ADK: variants seen among roughly 807,000 people sequenced by gnomAD.
The protein encoded by ADK is adenosine kinase.
ADK carries 24 observed loss-of-function variants against 44.7 expected under a neutral mutation model. That is an observed-to-expected ratio of 0.54 (90% confidence interval 0.39 to 0.76). The LOEUF (loss-of-function observed/expected upper bound fraction) is 0.76. Among genes scored for constraint, ADK ranks in the 30% least tolerant of loss-of-function variants. The probability of loss-of-function intolerance (pLI) is 0.00; values close to 1 mark genes in which losing one functional copy is unlikely to be tolerated. For synonymous variants in ADK, 128 were observed against 142.6 expected (o/e 0.90, Z 0.73); for missense variants, 321 against 425.1 (o/e 0.76, Z 2.15).
intron 7 of ADK, among the ~76,000 whole-genome samples, chr10:74,565,305 A>T (rs1175750009): frequency 6.6e-6 from 1 of 152,204 alleles, no homozygotes; most frequent in Non-Finnish European, 1.5e-5. Context: ...TTAGTTCATG[A>T]AACAATATTG....
intron 6 of ADK, among the ~76,000 whole-genome samples, chr10:74,484,325 CAAG>C (rs1847190843): frequency 6.6e-6 from 1 of 152,150 alleles, no homozygotes; most frequent in Admixed American, 6.6e-5. Context: ...CTCATTATCA[CAAG>C]AACAGCAAGA....
intron 6 of ADK, among the ~76,000 whole-genome samples, chr10:74,418,795 A>T (rs1204043366): frequency 6.6e-6 from 1 of 152,178 alleles, no homozygotes; most frequent in Non-Finnish European, 1.5e-5. Context: ...TGCATTTTCT[A>T]TGCTGCCATT....
chr10:74,235,125 T>TC lies in ADK; in HGVS notation c.194+10537dup, dbSNP rs1297820726. 2.8e-3 allele frequency among the ~76,000 whole-genome samples: 338 copies of TC among 120,186 alleles called. 2 individuals are homozygous for TC. Among genetic ancestry groups the TC allele is most frequent in the Non-Finnish European group, 4.7e-3 (261 of 55,788 alleles). 78.8% of individuals were successfully genotyped at this position (120,186 alleles called of 152,430 possible). ...ACGTTTAGCTGGATACTTGAAATTA[T>TC]CCCTTTTTTTTTTTTTTTTCTGAAA... On this transcript the variant is annotated intron_variant, in intron 3 of 10. Transcript: ENST00000539909.
rs1844003897 is a variant in ADK, at chr10:74,407,800, C to T, written c.555+9221C>T. Among the ~76,000 whole-genome samples, 8 of 152,178 alleles carry T rather than the reference C, an allele frequency of 5.3e-5. No individual in the cohort carries two copies. In the South Asian group the frequency reaches 1.7e-3, roughly 32 times the overall value. On this transcript the variant is annotated intron_variant, in intron 6 of 10. Transcript: ENST00000539909. The stretch of plus-strand genomic sequence containing the variant: ...ATTGTAGCGCTTACCTTATTCTGCC[C>T]CTTCTTTGATTATTATCCAATGCCT...
At position 74,216,305 on chromosome 10, in the gene ADK, C is replaced by T. The variant is rs181450452; in HGVS notation, c.141-8233C>T. On this transcript the variant is annotated intron_variant, in intron 2 of 10. Coordinates refer to ENST00000539909, the MANE Select transcript of ADK (RefSeq NM_006721.4). ...TAGTCATTAAATTGTAATTAGCACA[C>T]GGTAAAATAACAAATGTATTAAAAT... Among the ~76,000 whole-genome samples, 200 of 152,042 alleles carry T rather than the reference C, an allele frequency of 1.3e-3. 3 individuals are homozygous for T. The East Asian group carries it at 0.014, about 10-fold the overall frequency.
chr10:74,652,102 G>A (rs946728644), intron 9 of ADK, among the ~76,000 whole-genome samples: 10 of 146,258 alleles, frequency 6.8e-5, no homozygotes, highest in Admixed American at 2.1e-4. Context: ...TGCTAGTAGC[G>A]CCATCTTGGC....
At chr10:74,306,442 T>TA (rs1418224462) in intron 3 of ADK, among the ~76,000 whole-genome samples, 1 of 152,220 alleles carries the variant, frequency 6.6e-6, no homozygotes, top group Non-Finnish European at 1.5e-5. Context: ...GCTCTGCACA[T>TA]ACTTCCTGTG....
At chr10:74,550,863 CT>C (rs1850010401) in intron 7 of ADK, among the ~76,000 whole-genome samples, 1 of 152,008 alleles carries the variant, frequency 6.6e-6, no homozygotes, top group Non-Finnish European at 1.5e-5. Flanking sequence ...AATTGAGTTA[CT>C]TTTTAGAGAC....
intron 6 of ADK, among the ~76,000 whole-genome samples, chr10:74,422,934 G>GCAGCCTGATGA (rs1844615929): frequency 6.6e-6 from 1 of 152,142 alleles, no homozygotes; most frequent in Non-Finnish European, 1.5e-5. Flanking sequence ...GGAGGGGGCT[G>GCAGCCTGATGA]CAGCCTGATG....
chr10:74,368,730 A>G (rs1842570401), intron 4 of ADK, among the ~76,000 whole-genome samples: 1 of 151,752 alleles, frequency 6.6e-6, no homozygotes, highest in Admixed American at 6.6e-5. Flanking sequence ...CCTGTGTTCA[A>G]GTGATTCTCC....
At chr10:74,285,187 G>T (rs117107974) in intron 3 of ADK, among the ~76,000 whole-genome samples, 2,040 of 152,294 alleles carry the variant, frequency 0.013, 16 homozygotes, top group Non-Finnish European at 0.021. Context: ...ACCTCTAAGA[G>T]CATAGAGGAG....
chr10:74,697,066 A>G (rs1416955033), intron 10 of ADK, among the ~76,000 whole-genome samples: 7 of 152,212 alleles, frequency 4.6e-5, no homozygotes, highest in African/African-American at 1.7e-4. Flanking sequence ...ACAACAAATT[A>G]TATATTTCCA....
chr10:74,381,781 GGT>G (rs1842982611), intron 4 of ADK, among the ~76,000 whole-genome samples: 1 of 152,080 alleles, frequency 6.6e-6, no homozygotes, highest in Non-Finnish European at 1.5e-5. Flanking sequence ...TGAAGGAAGG[GGT>G]AATTTAATAG....
chr10:74,279,627 A>G (rs1846838579), intron 3 of ADK, among the ~76,000 whole-genome samples: 1 of 151,846 alleles, frequency 6.6e-6, no homozygotes, highest in Non-Finnish European at 1.5e-5. Context: ...CCTCACCAAC[A>G]GAATTGCCAA....
chr10:74,259,957 A>G (rs1281917032), intron 3 of ADK, among the ~76,000 whole-genome samples: 1 of 152,098 alleles, frequency 6.6e-6, no homozygotes, highest in East Asian at 1.9e-4. Context: ...AGTTTTGAAG[A>G]CTATGTATGT....
intron 3 of ADK, among the ~76,000 whole-genome samples, chr10:74,275,749 C>T (rs1379039185): frequency 6.6e-6 from 1 of 152,130 alleles, no homozygotes; most frequent in African/African-American, 2.4e-5. Flanking sequence ...ACCTCCACCT[C>T]CCATGTTCAA....
intron 6 of ADK, among the ~76,000 whole-genome samples, chr10:74,443,242 C>T (rs964611095): frequency 4.6e-5 from 7 of 152,060 alleles, no homozygotes; most frequent in South Asian, 2.1e-4. Flanking sequence ...CATTTCACAA[C>T]ATACACATAT....
At chr10:74,638,450 C>T (rs1012630994) in intron 9 of ADK, among the ~76,000 whole-genome samples, 1 of 151,996 alleles carries the variant, frequency 6.6e-6, no homozygotes, top group Non-Finnish European at 1.5e-5. Flanking sequence ...TCACTTGAGG[C>T]CAGGAGTTCA....
At chr10:74,320,908 A>G (rs962119759) in intron 4 of ADK, among the ~76,000 whole-genome samples, 2 of 152,156 alleles carry the variant, frequency 1.3e-5, no homozygotes, top group African/African-American at 4.8e-5. Context: ...CATCACTTTA[A>G]ATACAGTTAT....
Sources: allele counts gnomAD v4.1 joint callset (sites outside exome capture counted in the v4.1 genomes callset), GRCh38; gene constraint gnomAD v4.1.1; transcripts MANE v1.5; gene names NCBI Gene and HGNC (gene_info 2026-07-23, HGNC 2026-07-21).